The following GRM1 variants were observed in gnomAD, a reference collection of about 807,000 sequenced individuals.
GRM1 encodes the protein glutamate metabotropic receptor 1.
In GRM1, 33 loss-of-function variants were observed where a neutral mutation model predicts 90.9. The ratio of observed to expected loss-of-function variants is 0.36; its 90% CI spans 0.28 to 0.49. GRM1 has a LOEUF of 0.49. Among genes scored for constraint, GRM1 ranks in the 20% least tolerant of loss-of-function variants. The pLI is 0.99. For synonymous variants in GRM1, 700 were observed against 613.2 expected (o/e 1.14, Z -2.09); for missense variants, 1,190 against 1,534.3 (o/e 0.78, Z 3.75).
At chr6:146,063,379 T>C (rs1775738177) in intron 1 of GRM1, among the ~76,000 whole-genome samples, 1 of 152,212 alleles carries the variant, frequency 6.6e-6, no homozygotes, top group South Asian at 2.1e-4. Flanking sequence ...AGATTCAGCA[T>C]TGAAGATTAT....
At chr6:146,367,696 G>T (rs1038367494) in intron 5 of GRM1, among the ~76,000 whole-genome samples, 2 of 152,138 alleles carry the variant, frequency 1.3e-5, no homozygotes, top group Non-Finnish European at 2.9e-5. Context: ...GAATTAGTTT[G>T]CTTAGGATGA....
chr6:146,049,688 T>TATCTATCTATCC (rs1323631121), intron 1 of GRM1, among the ~76,000 whole-genome samples: 8 of 150,780 alleles, frequency 5.3e-5, no homozygotes, highest in African/African-American at 2.0e-4. Flanking sequence ...TCTATCTATC[T>TATCTATCTATCC]ATCTATCTAT....
At chr6:146,371,045 C>T (rs1775880507) in intron 5 of GRM1, among the ~76,000 whole-genome samples, 1 of 151,842 alleles carries the variant, frequency 6.6e-6, no homozygotes, top group South Asian at 2.1e-4. Context: ...TTTTCTTTCT[C>T]TCATAGTCTA....
intron 2 of GRM1, among the ~76,000 whole-genome samples, chr6:146,254,534 T>C (rs6914239): frequency 0.21 from 31,737 of 152,100 alleles, 7,325 homozygotes; most frequent in African/African-American, 0.58. Context: ...AAGAAATGCA[T>C]TTTACATCAT....
At chr6:146,066,909 TACTC>T (rs2128856860) in intron 1 of GRM1, among the ~76,000 whole-genome samples, 1 of 152,252 alleles carries the variant, frequency 6.6e-6, no homozygotes, top group Admixed American at 6.5e-5. Context: ...GGTTGTATGA[TACTC>T]AATCTTCCAA....
intron 3 of GRM1, among the ~76,000 whole-genome samples, chr6:146,339,767 A>C (rs746487395): frequency 5.9e-5 from 9 of 152,218 alleles, no homozygotes; most frequent in Non-Finnish European, 8.8e-5. Flanking sequence ...TGGTGGCAGG[A>C]ATAGGGGAAG....
intron 1 of GRM1, among the ~76,000 whole-genome samples, chr6:146,093,535 G>C (rs1776777811): frequency 6.6e-6 from 1 of 152,016 alleles, no homozygotes; most frequent in South Asian, 2.1e-4. Flanking sequence ...TTTGTGGCTG[G>C]CCCTCACTGA....
At chr6:146,043,084 A>C (rs756548477) in intron 1 of GRM1, among the ~76,000 whole-genome samples, 2 of 151,908 alleles carry the variant, frequency 1.3e-5, no homozygotes, top group Non-Finnish European at 2.9e-5. Flanking sequence ...GCTTGAGGCT[A>C]GGAATTTGAG....
At chr6:146,170,043 G>T (rs898538250) in intron 2 of GRM1, among the ~76,000 whole-genome samples, 18 of 152,048 alleles carry the variant, frequency 1.2e-4, no homozygotes, top group African/African-American at 3.1e-4. Context: ...CTGGATATAA[G>T]ATTCTTGGCT....
chr6:146,393,481 C>T (rs1776806898), intron 6 of GRM1, among the ~76,000 whole-genome samples: 1 of 152,088 alleles, frequency 6.6e-6, no homozygotes, highest in South Asian at 2.1e-4. Context: ...TATAGGTTGC[C>T]TGTTCACTCT....
At chr6:146,197,598 C>A (rs1392744274) in intron 2 of GRM1, among the ~76,000 whole-genome samples, 1 of 152,200 alleles carries the variant, frequency 6.6e-6, no homozygotes, top group Admixed American at 6.5e-5. Flanking sequence ...AAATGATGTT[C>A]TGTGGGATGT....
At chr6:146,329,341 C>T (rs1401929118) in intron 3 of GRM1, among the ~76,000 whole-genome samples, 11 of 152,136 alleles carry the variant, frequency 7.2e-5, no homozygotes, top group Non-Finnish European at 2.9e-5. Flanking sequence ...GATGGGGCAC[C>T]CTACCAGCTT....
chr6:146,384,586 T>C (rs1246913232), intron 5 of GRM1, among the ~76,000 whole-genome samples: 2 of 152,112 alleles, frequency 1.3e-5, no homozygotes, highest in African/African-American at 4.8e-5. Context: ...TACACCTTAA[T>C]GCACACAATG....
intron 2 of GRM1, among the ~76,000 whole-genome samples, chr6:146,234,646 T>C (rs1416141149): frequency 6.6e-6 from 1 of 152,188 alleles, no homozygotes; most frequent in Non-Finnish European, 1.5e-5. Context: ...AAATTTCTTC[T>C]GACATATTTT....
chr6:146,029,932 C>T lies in GRM1; in HGVS notation c.415C>T (p.Arg139Trp), dbSNP rs1267327740. The change falls in exon 1 of 8, where the codon CGG becomes TGG. Residue 139 changes from arginine (R) to tryptophan (W), a missense_variant. Coordinates refer to ENST00000282753, the MANE Select transcript of GRM1 (RefSeq NM_001278064.2). ...SIRDEKDGIN[R>W]CLPDGQSLPP... ...TCGAGATGAGAAGGATGGGATCAACCGGTGTCTGCCTGACGGCCAGTCCCT... is the reference window on the plus strand; with the variant it reads ...TCGAGATGAGAAGGATGGGATCAACTGGTGTCTGCCTGACGGCCAGTCCCT... The T allele has an allele frequency of 6.2e-7, 1 of 1,614,038 alleles. No homozygotes were observed. The highest frequency in any genetic ancestry group is 8.5e-7 in the Non-Finnish European group (1 of 1,180,034).
intron 2 of GRM1, among the ~76,000 whole-genome samples, chr6:146,284,506 A>G (rs147115070): frequency 6.6e-6 from 1 of 152,328 alleles, no homozygotes; most frequent in Non-Finnish European, 1.5e-5. Context: ...TATGTATATG[A>G]TATGGCTTGG....
At chr6:146,086,415 A>G (rs1482605822) in intron 1 of GRM1, among the ~76,000 whole-genome samples, 2 of 152,096 alleles carry the variant, frequency 1.3e-5, no homozygotes, top group African/African-American at 4.8e-5. Flanking sequence ...TCAAGGCCAG[A>G]CTACTCTGTA....
chr6:146,162,018 G>T (rs987373297), intron 2 of GRM1, among the ~76,000 whole-genome samples: 2 of 152,132 alleles, frequency 1.3e-5, no homozygotes, highest in African/African-American at 4.8e-5. Context: ...GGACATGTGG[G>T]CTTGGTTCCC....
chr6:146,374,439 T>C (rs556465377), intron 5 of GRM1, among the ~76,000 whole-genome samples: 26 of 152,266 alleles, frequency 1.7e-4, no homozygotes, highest in African/African-American at 5.8e-4. Context: ...TTGAGTAGAA[T>C]TGGTATTAGG....
Sources: gnomAD v4.1 joint callset for allele counts (sites outside exome capture counted in the v4.1 genomes callset) on GRCh38, gnomAD v4.1.1 for gene constraint, MANE v1.5 for transcripts, NCBI Gene and HGNC (gene_info 2026-07-23, HGNC 2026-07-21) for gene names.